The following CLTB variants were observed in gnomAD, a reference collection of about 807,000 sequenced individuals.
The protein encoded by CLTB is clathrin light chain B.
Under a neutral mutation model 30.5 loss-of-function variants are expected in CLTB, and 10 were observed. That is an observed-to-expected ratio of 0.33 (90% CI 0.20 to 0.56). The LOEUF is 0.56. CLTB is among the 20% of genes least tolerant of loss of function. The pLI, the probability that CLTB is intolerant of heterozygous loss-of-function variation, is 0.91. For synonymous variants in CLTB, 102 were observed against 120.3 expected (o/e 0.85, Z 1.00); for missense variants, 261 against 308.3 (o/e 0.85, Z 1.15).
chr5:176,406,019 C>T, intron 2 of CLTB: 1 of 396,400 alleles, frequency 2.5e-6, no homozygotes, highest in Non-Finnish European at 3.4e-6. Context: ...AGTGGTGCTG[C>T]TGGCAGGCAA....
intron 2 of CLTB, among the ~76,000 whole-genome samples, chr5:176,409,626 G>T (rs1261514679): frequency 6.6e-6 from 1 of 151,890 alleles, no homozygotes; most frequent in Non-Finnish European, 1.5e-5. Context: ...TGTTGGCCAG[G>T]CTGGTCTTGA....
At chr5:176,398,582 C>T (rs1460652225) in intron 2 of CLTB, among the ~76,000 whole-genome samples, 2 of 151,852 alleles carry the variant, frequency 1.3e-5, no homozygotes, top group Non-Finnish European at 2.9e-5. Context: ...CGTGGTGGTG[C>T]ATGCCTGTAA....
intron 2 of CLTB, chr5:176,401,764 C>G: frequency 2.2e-6 from 1 of 456,250 alleles, no homozygotes; most frequent in Non-Finnish European, 4.4e-6. Flanking sequence ...AACAGCGACA[C>G]TGAACAATTT....
At position 176,407,966 on chromosome 5, in the gene CLTB, C is replaced by T. The variant is rs188706227; in HGVS notation, c.234+2291G>A. Among the ~76,000 whole-genome samples the T allele has an allele frequency of 4.1e-3, 623 of 152,240 alleles. 14 individuals are homozygous for T. Among genetic ancestry groups the T allele is most frequent in the Admixed American group, 0.035 (534 of 15,294 alleles). ...ATTCAAGAAGCCAGCTCCTCCAGGG[C>T]GGGGCTCAGAAGATCCCACAGCCAA... On this transcript the variant is annotated intron_variant, in intron 2 of 5. Coordinates refer to ENST00000310418, the MANE Select transcript of CLTB (RefSeq NM_007097.5).
intron 2 of CLTB, chr5:176,401,711 C>T (rs141689806): frequency 6.1e-5 from 28 of 456,290 alleles, no homozygotes; most frequent in African/African-American, 4.2e-4. Context: ...TTCACAAAAC[C>T]TCCTTTGCTT....
Position 176,393,702 on chromosome 5 carries a change from A to G in CLTB, c.519-757T>C, listed in dbSNP as rs965166305. ...TGGAGTCTGCTTTTGGTTGGAATCA[A>G]GTTAGGATGAAAACTGGCGGTCCTT... On this transcript the variant is annotated intron_variant, in intron 5 of 5. Transcript: ENST00000310418. This position sits in a 1 kb window ranked among gnomAD's most constrained non-coding sequence, Gnocchi z 4.4. Among the ~76,000 whole-genome samples, 1 of 152,154 alleles carries G rather than the reference A, an allele frequency of 6.6e-6. No homozygotes were observed. The highest frequency in any genetic ancestry group is 1.5e-5 in the Non-Finnish European group (1 of 68,016).
At chr5:176,412,174 C>CA (rs546824950) in intron 1 of CLTB, among the ~76,000 whole-genome samples, 14,071 of 82,030 alleles carry the variant, frequency 0.17, 1,175 homozygotes, top group Middle Eastern at 0.27. Flanking sequence ...AGACTCATCT[C>CA]AAAAAAAAAA....
chr5:176,407,302 T>C (rs1446422691), intron 2 of CLTB, among the ~76,000 whole-genome samples: 2 of 152,096 alleles, frequency 1.3e-5, no homozygotes, highest in African/African-American at 2.4e-5. Flanking sequence ...CAGCTCAGAG[T>C]GTTCTAGGTA....
chr5:176,413,421 G>A (rs1757545189), intron 1 of CLTB, among the ~76,000 whole-genome samples: 1 of 152,242 alleles, frequency 6.6e-6, no homozygotes, highest in Admixed American at 6.5e-5. Flanking sequence ...ACCCAAGGCT[G>A]ATGAATGGAA....
chr5:176,415,214 A>G (rs1293401025), intron 1 of CLTB, among the ~76,000 whole-genome samples: 1 of 152,242 alleles, frequency 6.6e-6, no homozygotes, highest in Non-Finnish European at 1.5e-5. Context: ...GTAAATCATA[A>G]TAGCCCCGGA....
intron 1 of CLTB, among the ~76,000 whole-genome samples, chr5:176,411,695 A>G (rs60771067): frequency 0.44 from 67,036 of 151,962 alleles, 15,072 homozygotes; most frequent in African/African-American, 0.53. Context: ...GAACATAACA[A>G]GGACTCAATA....
At chr5:176,397,847 G>C in intron 3 of CLTB, 83 bp downstream of exon 3, 1 of 1,451,950 alleles carries the variant, frequency 6.9e-7, no homozygotes, top group Non-Finnish European at 9.7e-7. Context: ...AAGGCATGCA[G>C]CATCCCATGC....
chr5:176,396,781 C>G (rs920881481), intron 4 of CLTB, among the ~76,000 whole-genome samples: 14 of 152,196 alleles, frequency 9.2e-5, no homozygotes, highest in South Asian at 2.1e-4. Flanking sequence ...GTTCAAACAC[C>G]TTCAGTGGCT....
chr5:176,399,956 C>G (rs757228895), intron 2 of CLTB, among the ~76,000 whole-genome samples: 2 of 151,654 alleles, frequency 1.3e-5, no homozygotes, highest in African/African-American at 4.8e-5. Context: ...CTTTGGGAGG[C>G]CAAGGTGGGT....
chr5:176,406,032 C>T, intron 2 of CLTB: 1 of 502,484 alleles, frequency 2.0e-6, no homozygotes, highest in Non-Finnish European at 2.6e-6. Context: ...GCAGGCAAAG[C>T]CCCGAGAAGC....
rs1173060818 is a variant in CLTB at position 176,410,134 on chromosome 5, C to A, written c.234+123G>T. On this transcript the variant is annotated intron_variant, in intron 2 of 5. Transcript: ENST00000310418. ...CCAAAAACCTTTCTCTATGTTTCCA[C>A]CCCAATGCATCAGACATAATGAACA... 1.4e-5 allele frequency: 12 copies of A among 833,748 alleles called. No individual in the cohort carries two copies. The East Asian group carries it at 2.8e-4, about 19-fold the overall frequency. The allele number at this position is 833,748 out of a possible 1,614,324, so 51.6% of individuals were successfully genotyped here.
chr5:176,394,625 T>A (rs13169024), intron 5 of CLTB, among the ~76,000 whole-genome samples: 30 of 150,820 alleles, frequency 2.0e-4, no homozygotes, highest in Admixed American at 1.7e-3. Context: ...GCATCCTGGC[T>A]AACACGGTGA....
intron 5 of CLTB, among the ~76,000 whole-genome samples, chr5:176,396,084 G>A (rs535874136): frequency 2.9e-4 from 44 of 152,234 alleles, no homozygotes; most frequent in African/African-American, 9.1e-4. Context: ...GCAGTGAGCC[G>A]AGATCGCAGC....
intron 2 of CLTB, among the ~76,000 whole-genome samples, chr5:176,400,377 C>T (rs1219498194): frequency 6.6e-6 from 1 of 152,106 alleles, no homozygotes; most frequent in African/African-American, 2.4e-5. Context: ...TCCCATTTTA[C>T]AAGGGAGGAA....
Sources: gnomAD v4.1 joint callset for allele counts (sites outside exome capture counted in the v4.1 genomes callset) on GRCh38, gnomAD v4.1.1 for gene constraint, Gnocchi (gnomAD v3.1) non-coding constraint, MANE v1.5 for transcripts, NCBI Gene and HGNC (gene_info 2026-07-23, HGNC 2026-07-21) for gene names.